The following RALYL variants were observed in gnomAD, a reference collection of about 807,000 sequenced individuals.
RALYL encodes the protein RNA-binding Raly-like protein.
In RALYL, 29 loss-of-function variants were observed where a neutral mutation model predicts 35.1. The ratio of observed to expected loss-of-function variants is 0.83; its 90% CI spans 0.61 to 1.13. RALYL has a LOEUF of 1.13. RALYL is among the 50% of genes most tolerant of loss of function. The probability of loss-of-function intolerance (pLI) is 0.00; values close to 1 mark genes in which losing one functional copy is unlikely to be tolerated. For synonymous variants in RALYL, 120 were observed against 127.6 expected, an observed-to-expected ratio of 0.94 and a Z score of 0.40; for missense variants, 359 against 360.4, an observed-to-expected ratio of 1.00 and a Z score of 0.03.
intron 1 of RALYL, among the ~76,000 whole-genome samples, chr8:84,432,180 T>C (rs1300484342): frequency 6.6e-6 from 1 of 152,102 alleles, no homozygotes; most frequent in African/African-American, 2.4e-5. Context: ...GGTATAAATA[T>C]AGAATGGAAT....
intron 2 of RALYL, among the ~76,000 whole-genome samples, chr8:84,636,696 A>T (rs931161654): frequency 1.3e-5 from 2 of 151,944 alleles, no homozygotes; most frequent in Admixed American, 1.3e-4. Flanking sequence ...TTATTGACAA[A>T]CAGGGCTATT....
chr8:84,552,373 T>A (rs2060805139), intron 2 of RALYL, among the ~76,000 whole-genome samples: 1 of 128,718 alleles, frequency 7.8e-6, no homozygotes, highest in Non-Finnish European at 1.7e-5. Context: ...TTTTTTTTTT[T>A]TTTTTTTTTT....
At chr8:84,688,635 T>C (rs1028353981) in intron 2 of RALYL, among the ~76,000 whole-genome samples, 1 of 151,984 alleles carries the variant, frequency 6.6e-6, no homozygotes, top group African/African-American at 2.4e-5. Context: ...GAAAAAAACA[T>C]AGGGAAAAAG....
At chr8:84,774,238 A>G (rs912655735) in intron 2 of RALYL, among the ~76,000 whole-genome samples, 10 of 152,254 alleles carry the variant, frequency 6.6e-5, no homozygotes, top group Admixed American at 5.9e-4. Flanking sequence ...AAAGAAAAGC[A>G]TTTTTGATTC....
chr8:84,357,662 T>C (rs1453114840), intron 1 of RALYL, among the ~76,000 whole-genome samples: 1 of 150,442 alleles, frequency 6.6e-6, no homozygotes, highest in African/African-American at 2.4e-5. Context: ...CATTTTAGAC[T>C]GTTTCCTTTT....
At chr8:84,218,284 G>A (rs1189067547) in intron 1 of RALYL, among the ~76,000 whole-genome samples, 1 of 151,956 alleles carries the variant, frequency 6.6e-6, no homozygotes, top group Non-Finnish European at 1.5e-5. Flanking sequence ...AACTATCAGG[G>A]CCAGTTACAC....
intron 2 of RALYL, among the ~76,000 whole-genome samples, chr8:84,547,401 G>A (rs187727651): frequency 7.9e-4 from 118 of 149,960 alleles, no homozygotes; most frequent in African/African-American, 2.7e-3. Context: ...TTTTTGAGAC[G>A]GAGTCTCGCT....
At chr8:84,816,723 A>G (rs1236013817) in intron 4 of RALYL, among the ~76,000 whole-genome samples, 1 of 152,162 alleles carries the variant, frequency 6.6e-6, no homozygotes, top group East Asian at 1.9e-4. Flanking sequence ...TATAGTCAAT[A>G]ATAACATAAT....
At chr8:84,327,335 T>C (rs1010542678) in intron 1 of RALYL, among the ~76,000 whole-genome samples, 7 of 152,024 alleles carry the variant, frequency 4.6e-5, no homozygotes, top group Admixed American at 1.3e-4. Context: ...TATTATGGAA[T>C]GGCACAATCT....
chr8:84,792,184 C>G (rs1349122375), intron 3 of RALYL, among the ~76,000 whole-genome samples: 1 of 152,216 alleles, frequency 6.6e-6, no homozygotes, highest in African/African-American at 2.4e-5. Flanking sequence ...TACCCGGGTC[C>G]TTGTCCAGCA....
chr8:84,332,926 G>A (rs1402104846), intron 1 of RALYL, among the ~76,000 whole-genome samples: 12 of 152,076 alleles, frequency 7.9e-5, no homozygotes, highest in African/African-American at 2.2e-4. Flanking sequence ...CCCTAAAAAC[G>A]TATCAGCAGC....
In RALYL at chr8:84,832,554, T is replaced by C. The variant is rs1403413936; in HGVS notation, c.366-17426T>C. 2.0e-5 allele frequency among the ~76,000 whole-genome samples: 3 copies of C among 152,282 alleles called. No individual in the cohort carries two copies. In the East Asian group the frequency reaches 5.8e-4, roughly 29 times the overall value. Reference sequence around the variant, plus strand: ...CAATTTTTCTTTTTTTGACTTCGCATCAGTTTGGTTGGGGAGAGTCAAAGA... The same window carrying C: ...CAATTTTTCTTTTTTTGACTTCGCACCAGTTTGGTTGGGGAGAGTCAAAGA... On this transcript the variant is annotated intron_variant, in intron 4 of 8. Transcript: ENST00000521268.
At chr8:84,577,364 A>C (rs892849445) in intron 2 of RALYL, among the ~76,000 whole-genome samples, 1 of 152,232 alleles carries the variant, frequency 6.6e-6, no homozygotes, top group Non-Finnish European at 1.5e-5. Flanking sequence ...GGTAGAGTGA[A>C]GTCTGGAATT....
chr8:84,615,289 T>A (rs989130237), intron 2 of RALYL, among the ~76,000 whole-genome samples: 4 of 151,486 alleles, frequency 2.6e-5, no homozygotes, highest in Non-Finnish European at 5.9e-5. Flanking sequence ...TATTTCCCAG[T>A]TGTATCAGCT....
chr8:84,282,845 T>G (rs368104254), intron 1 of RALYL, among the ~76,000 whole-genome samples: 1 of 151,972 alleles, frequency 6.6e-6, no homozygotes. Context: ...CCCAGTCTTT[T>G]TGGGCTAGAC....
rs529512498 is a variant in RALYL, at chr8:84,285,694, G to T, written c.-24+101270G>T. ...CGCTCAAGGAATAGCAAGTGTAAAG[G>T]TTCTGGGGTAAAAGCATGCCTAACA... On this transcript the variant is annotated intron_variant, in intron 1 of 8. Transcript: ENST00000521268. Among the ~76,000 whole-genome samples the T allele has an allele frequency of 2.0e-5, 3 of 152,264 alleles. No homozygotes were observed. In the East Asian group the frequency reaches 5.8e-4, roughly 29 times the overall value.
intron 1 of RALYL, among the ~76,000 whole-genome samples, chr8:84,429,120 T>C (rs1472972143): frequency 6.6e-6 from 1 of 152,054 alleles, no homozygotes; most frequent in Non-Finnish European, 1.5e-5. Flanking sequence ...TGAGAGGTAC[T>C]AGGAAGGGGC....
chr8:84,420,349 G>C (rs1237498853), intron 1 of RALYL, among the ~76,000 whole-genome samples: 6 of 152,084 alleles, frequency 3.9e-5, no homozygotes, highest in Non-Finnish European at 7.3e-5. Flanking sequence ...GTCTTCTTTT[G>C]AGAAGTGTCT....
At chr8:84,693,158 A>G (rs1838409859) in intron 2 of RALYL, among the ~76,000 whole-genome samples, 1 of 152,010 alleles carries the variant, frequency 6.6e-6, no homozygotes, top group South Asian at 2.1e-4. Context: ...AGAGCAACTA[A>G]TATATCTCGG....
Sources: allele counts gnomAD v4.1 joint callset (sites outside exome capture counted in the v4.1 genomes callset), GRCh38; gene constraint gnomAD v4.1.1; transcripts MANE v1.5; gene names NCBI Gene and HGNC (gene_info 2026-07-23, HGNC 2026-07-21).